Variants in PAK5 observed in about 807,000 individuals in gnomAD.
PAK5 encodes p21 (RAC1) activated kinase 5.
A neutral mutation model predicts 65.9 loss-of-function variants in PAK5; 16 were observed. The ratio of observed to expected loss-of-function variants is 0.24; its 90% CI spans 0.16 to 0.37. PAK5 has a LOEUF of 0.37. PAK5 is among the 10% of genes least tolerant of loss of function. The pLI, the probability that PAK5 is intolerant of heterozygous loss-of-function variation, is 1.00. For synonymous variants in PAK5, 371 were observed against 354.9 expected (o/e 1.05, Z -0.51); for missense variants, 785 against 903.9 (o/e 0.87, Z 1.69).
intron 1 of PAK5, among the ~76,000 whole-genome samples, chr20:9,819,423 G>C (rs1464932894): frequency 6.6e-6 from 1 of 152,114 alleles, no homozygotes; most frequent in Non-Finnish European, 1.5e-5. Flanking sequence ...GGAAAAGATA[G>C]ATATTTTCAA....
intron 6 of PAK5, among the ~76,000 whole-genome samples, chr20:9,558,903 G>T (rs548682133): frequency 6.6e-6 from 1 of 152,196 alleles, no homozygotes; most frequent in African/African-American, 2.4e-5. Flanking sequence ...GGGGGAGGGG[G>T]AAGTCAGCTA....
At chr20:9,611,465 T>C (rs2046558519) in intron 3 of PAK5, among the ~76,000 whole-genome samples, 1 of 152,158 alleles carries the variant, frequency 6.6e-6, no homozygotes, top group African/African-American at 2.4e-5. Flanking sequence ...TGTTTCCCCA[T>C]GTGTTTACCT....
intron 9 of PAK5, among the ~76,000 whole-genome samples, chr20:9,542,339 C>A (rs1416726334): frequency 2.6e-5 from 4 of 152,132 alleles, no homozygotes; most frequent in African/African-American, 4.8e-5. Context: ...TTCTAACCAA[C>A]CCTTTGGGAT....
At chr20:9,707,796 T>C (rs940469082) in intron 2 of PAK5, among the ~76,000 whole-genome samples, 6 of 152,216 alleles carry the variant, frequency 3.9e-5, no homozygotes, top group African/African-American at 1.4e-4. Flanking sequence ...GCACCAGACA[T>C]GGGAGTGAAG....
At chr20:9,645,479 A>G (rs1277790124) in intron 2 of PAK5, among the ~76,000 whole-genome samples, 1 of 152,170 alleles carries the variant, frequency 6.6e-6, no homozygotes, top group Non-Finnish European at 1.5e-5. Flanking sequence ...TCCTTACAAC[A>G]CTGCATGGGC....
chr20:9,777,359 G>C lies in PAK5; in HGVS notation c.-162+61403C>G, dbSNP rs149447247. ...ACCCGGTGGGAGGTAATTGAATCAA[G>C]GGGGCAGGTTTTTCCAGTGCTGCTC... On this transcript the variant is annotated intron_variant, in intron 1 of 9. Coordinates refer to ENST00000353224, the MANE Select transcript of PAK5 (RefSeq NM_177990.4). Among the ~76,000 whole-genome samples the C allele has an allele frequency of 1.9e-4, 29 of 152,220 alleles. No homozygotes were observed. The East Asian group carries it at 3.5e-3, about 18-fold the overall frequency.
intron 3 of PAK5, among the ~76,000 whole-genome samples, chr20:9,603,172 A>C (rs1159899299): frequency 6.6e-6 from 1 of 152,226 alleles, no homozygotes; most frequent in Non-Finnish European, 1.5e-5. Flanking sequence ...CAAATGGCCT[A>C]CAAGCTACCT....
chr20:9,806,783 C>T (rs1203052482), intron 1 of PAK5, among the ~76,000 whole-genome samples: 1 of 152,126 alleles, frequency 6.6e-6, no homozygotes, highest in Non-Finnish European at 1.5e-5. Context: ...TATTAATTTC[C>T]TATCGCTACT....
intron 3 of PAK5, among the ~76,000 whole-genome samples, chr20:9,630,299 A>T (rs1038459720): frequency 1.3e-5 from 2 of 152,140 alleles, no homozygotes; most frequent in Non-Finnish European, 2.9e-5. Context: ...TTAGAAACTT[A>T]GAAAGATCAA....
At chr20:9,586,427 A>G (rs948934311) in intron 3 of PAK5, among the ~76,000 whole-genome samples, 2 of 152,168 alleles carry the variant, frequency 1.3e-5, no homozygotes, top group African/African-American at 4.8e-5. Flanking sequence ...TTTGAGAAAT[A>G]CTGAAATAAT....
intron 2 of PAK5, among the ~76,000 whole-genome samples, chr20:9,696,703 G>A (rs2047874721): frequency 6.6e-6 from 1 of 152,092 alleles, no homozygotes; most frequent in Non-Finnish European, 1.5e-5. Context: ...GTATTATGGA[G>A]AAAAGCAAAT....
At chr20:9,657,674 G>C (rs6056784) in intron 2 of PAK5, among the ~76,000 whole-genome samples, 1 of 152,144 alleles carries the variant, frequency 6.6e-6, no homozygotes, top group Non-Finnish European at 1.5e-5. Flanking sequence ...GTAACTTGTA[G>C]GAGAGCAGCT....
At chr20:9,543,502 C>T (rs1179165627) in intron 8 of PAK5, among the ~76,000 whole-genome samples, 3 of 151,830 alleles carry the variant, frequency 2.0e-5, no homozygotes, top group African/African-American at 7.3e-5. Flanking sequence ...CTCTCAGGAC[C>T]ACAGTGAGAA....
chr20:9,675,424 T>C (rs906031815), intron 2 of PAK5, among the ~76,000 whole-genome samples: 1 of 152,124 alleles, frequency 6.6e-6, no homozygotes, highest in South Asian at 2.1e-4. Flanking sequence ...TGGCATACAG[T>C]AGGTGCTTTT....
chr20:9,648,724 G>A (rs968756384), intron 2 of PAK5, among the ~76,000 whole-genome samples: 2 of 152,158 alleles, frequency 1.3e-5, no homozygotes, highest in Non-Finnish European at 1.5e-5. Context: ...TTGTAAAACT[G>A]GAGATTTAGA....
chr20:9,645,301 C>G lies in PAK5; in HGVS notation c.-11-962G>C, dbSNP rs144606971. ...AACATAGCCAGTGACCAGAATACCT[C>G]TAGAAAATATGTAAAATAGGCAAAG... On this transcript the variant is annotated intron_variant, in intron 2 of 9. Transcript: ENST00000353224. Among the ~76,000 whole-genome samples, 49 of 152,332 alleles carry G rather than the reference C, an allele frequency of 3.2e-4. No homozygotes were observed. In the East Asian group the frequency reaches 9.1e-3, roughly 28 times the overall value.
chr20:9,712,518 T>C (rs2048090476), intron 1 of PAK5, among the ~76,000 whole-genome samples: 2 of 152,002 alleles, frequency 1.3e-5, no homozygotes, highest in East Asian at 1.9e-4. Flanking sequence ...GAAAAAGGAA[T>C]CCTAAAATTC....
chr20:9,804,021 C>G (rs551997817), intron 1 of PAK5, among the ~76,000 whole-genome samples: 100 of 152,300 alleles, frequency 6.6e-4, no homozygotes, highest in Non-Finnish European at 1.1e-3. Context: ...GGCATGGGAT[C>G]ATGCTGTGGT....
At position 9,580,464 on chromosome 20, in the gene PAK5, C is replaced by T. The variant is rs779963552; in HGVS notation, c.671G>A (p.Ser224Asn). The part of the protein sequence containing the change: ...DLKWEYQRAS[S>N]SSPLDYSFQF... ...GAATGAATAATCCAGAGGGGAGCTA[C>T]TCGAGGCTCTCTGATACTCCCACTT... Residue 224 changes from serine (S) to asparagine (N), a missense_variant, in exon 4 of 10, where the codon AGT (serine) becomes AAT (asparagine). Coordinates refer to ENST00000353224, the MANE Select transcript of PAK5 (RefSeq NM_177990.4). 16 of 1,614,070 alleles carry T rather than the reference C, an allele frequency of 9.9e-6. 1 individual carries two copies. In the South Asian group the frequency reaches 1.8e-4, roughly 18 times the overall value.
Sources: allele counts gnomAD v4.1 joint callset (sites outside exome capture counted in the v4.1 genomes callset), GRCh38; gene constraint gnomAD v4.1.1; transcripts MANE v1.5; gene names NCBI Gene and HGNC (gene_info 2026-07-23, HGNC 2026-07-21).